The following PRKN variants were observed in gnomAD, a reference collection of about 807,000 sequenced individuals.
The protein encoded by PRKN is parkin RBR E3 ubiquitin protein ligase.
In PRKN, 56 loss-of-function variants were observed where a neutral mutation model predicts 59.5. The observed-to-expected ratio is 0.94, with a 90% CI of 0.76 to 1.18. The LOEUF (loss-of-function observed/expected upper bound fraction) is 1.18, where lower values mean the gene tolerates loss of function less well. Ranked by LOEUF, PRKN falls within the 50% of genes most tolerant of loss-of-function variation. PRKN has a pLI of 0.00. For synonymous variants in PRKN, 250 were observed against 222.1 expected (o/e 1.13, Z -1.12); for missense variants, 657 against 596.4 (o/e 1.10, Z -1.06).
At chr6:161,966,035 A>T (rs1298153328) in intron 6 of PRKN, among the ~76,000 whole-genome samples, 1 of 152,094 alleles carries the variant, frequency 6.6e-6, no homozygotes, top group Non-Finnish European at 1.5e-5. Context: ...AGCTATAAAC[A>T]GATGCAAATT....
At chr6:162,104,314 C>G (rs1780097475) in intron 4 of PRKN, among the ~76,000 whole-genome samples, 1 of 152,152 alleles carries the variant, frequency 6.6e-6, no homozygotes, top group African/African-American at 2.4e-5. Context: ...GTATTTCCAG[C>G]ACAAGATTCT....
intron 4 of PRKN, among the ~76,000 whole-genome samples, chr6:162,173,150 T>G (rs1009174477): frequency 1.3e-5 from 2 of 152,284 alleles, no homozygotes; most frequent in Non-Finnish European, 2.9e-5. Context: ...TTGGCCATCC[T>G]CCTGGGTTGT....
intron 6 of PRKN, among the ~76,000 whole-genome samples, chr6:161,869,142 G>A (rs938018723): frequency 6.6e-6 from 1 of 152,136 alleles, no homozygotes; most frequent in African/African-American, 2.4e-5. Flanking sequence ...ACTTTGGGAG[G>A]CCGAGGCGGG....
At chr6:162,394,813 T>C (rs1443665853) in intron 2 of PRKN, among the ~76,000 whole-genome samples, 1 of 152,234 alleles carries the variant, frequency 6.6e-6, no homozygotes, top group Non-Finnish European at 1.5e-5. Context: ...AAGTAGCCTA[T>C]AGATGTTACT....
chr6:162,441,043 G>A (rs1790024119), intron 2 of PRKN, among the ~76,000 whole-genome samples: 1 of 151,978 alleles, frequency 6.6e-6, no homozygotes, highest in Admixed American at 6.6e-5. Flanking sequence ...TCATTTAACT[G>A]TGATTTAATA....
At chr6:161,672,449 T>A (rs1385658792) in intron 7 of PRKN, among the ~76,000 whole-genome samples, 1 of 152,328 alleles carries the variant, frequency 6.6e-6, no homozygotes, top group South Asian at 2.1e-4. Context: ...CTAATATTAA[T>A]CTTAAAGATA....
chr6:161,968,248 T>C (rs1350569407), intron 6 of PRKN, among the ~76,000 whole-genome samples: 1 of 149,620 alleles, frequency 6.7e-6, no homozygotes, highest in Non-Finnish European at 1.5e-5. Context: ...ATGTTGGCCA[T>C]GGCTGCTCTC....
Position 161,457,841 on chromosome 6 carries a change from G to C in PRKN, c.1084-70964C>G, listed in dbSNP as rs1299837792. Among the ~76,000 whole-genome samples, 1 of 152,218 alleles carries C rather than the reference G, an allele frequency of 6.6e-6. No homozygotes were observed. Among genetic ancestry groups the C allele is most frequent in the East Asian group, 1.9e-4 (1 of 5,198 alleles). On this transcript the variant is annotated intron_variant, in intron 9 of 11. Coordinates refer to ENST00000366898, the MANE Select transcript of PRKN (RefSeq NM_004562.3). This position sits in a 1 kb window ranked among gnomAD's most constrained non-coding sequence, Gnocchi z 5.0. ...CAACATTTTGTAGATGACCGCACATGTAAGTTAAAGAAATAGTGGCCTTCT... is the reference window on the plus strand; with the variant it reads ...CAACATTTTGTAGATGACCGCACATCTAAGTTAAAGAAATAGTGGCCTTCT...
chr6:162,476,607 G>A (rs1792030072), intron 1 of PRKN, among the ~76,000 whole-genome samples: 1 of 152,176 alleles, frequency 6.6e-6, no homozygotes, highest in South Asian at 2.1e-4. Flanking sequence ...ACAGCATGAG[G>A]AAAGGACGAG....
chr6:162,427,364 G>A (rs1789287013), intron 2 of PRKN, among the ~76,000 whole-genome samples: 1 of 152,130 alleles, frequency 6.6e-6, no homozygotes, highest in African/African-American at 2.4e-5. Context: ...ACTTGTATAA[G>A]AATGTTCAGT....
chr6:161,586,793 C>T (rs1583263384), intron 7 of PRKN, among the ~76,000 whole-genome samples: 1 of 152,132 alleles, frequency 6.6e-6, no homozygotes, highest in Admixed American at 6.5e-5. Flanking sequence ...GTGCTTTATA[C>T]AAAAAGTTCC....
chr6:162,468,751 C>G (rs1174165750), intron 1 of PRKN, among the ~76,000 whole-genome samples: 1 of 152,172 alleles, frequency 6.6e-6, no homozygotes. Context: ...TAAGTGTGGT[C>G]TCTTACCTAG....
intron 1 of PRKN, among the ~76,000 whole-genome samples, chr6:162,449,580 T>C (rs1350728310): frequency 6.6e-6 from 1 of 151,962 alleles, no homozygotes; most frequent in Non-Finnish European, 1.5e-5. Flanking sequence ...TTATATTTTA[T>C]TATTTATTTT....
intron 1 of PRKN, among the ~76,000 whole-genome samples, chr6:162,514,272 C>CTTT (rs35258634): frequency 6.7e-6 from 1 of 148,534 alleles, no homozygotes; most frequent in Non-Finnish European, 1.5e-5. Flanking sequence ...TTGAAATTGA[C>CTTT]TTTTTTTTTT....
At chr6:162,043,958 C>A (rs1406141122) in intron 5 of PRKN, among the ~76,000 whole-genome samples, 1 of 152,102 alleles carries the variant, frequency 6.6e-6, no homozygotes, top group Non-Finnish European at 1.5e-5. Flanking sequence ...TCTTAATAAC[C>A]CAATAAATAC....
At chr6:161,827,475 G>A (rs1225572896) in intron 6 of PRKN, among the ~76,000 whole-genome samples, 2 of 151,682 alleles carry the variant, frequency 1.3e-5, no homozygotes, top group African/African-American at 2.4e-5. Flanking sequence ...CTAGAAATTA[G>A]GGCTCTACCT....
chr6:161,680,760 TATATA>T lies in PRKN; in HGVS notation c.871+105007_871+105011del, dbSNP rs1167024190. ...ATATATATATATATATATATATATA[TATATA>T]TATATATATATTTTTTTTTTTTTTT... is the stretch of plus-strand genomic sequence containing the variant. On this transcript the variant is annotated intron_variant, in intron 7 of 11. Transcript: ENST00000366898. Among the ~76,000 whole-genome samples the T allele has an allele frequency of 7.7e-3, 138 of 17,982 alleles. 6 individuals are homozygous for T. Among genetic ancestry groups the T allele is most frequent in the Admixed American group, 0.029 (37 of 1,282 alleles). 11.8% of individuals were successfully genotyped at this position (17,982 alleles called of 152,430 possible).
intron 1 of PRKN, among the ~76,000 whole-genome samples, chr6:162,626,431 G>C (rs1048277361): frequency 2.6e-5 from 4 of 152,124 alleles, no homozygotes; most frequent in African/African-American, 9.7e-5. Context: ...ATTAATCATA[G>C]AGGAAGAACT....
intron 3 of PRKN, among the ~76,000 whole-genome samples, chr6:162,242,711 T>C (rs546548708): frequency 4.6e-5 from 7 of 152,124 alleles, no homozygotes; most frequent in Admixed American, 1.3e-4. Flanking sequence ...CAAAAATGAC[T>C]CATGTCTACC....
Sources: gnomAD v4.1 joint callset for allele counts (sites outside exome capture counted in the v4.1 genomes callset) on GRCh38, gnomAD v4.1.1 for gene constraint, Gnocchi (gnomAD v3.1) non-coding constraint, MANE v1.5 for transcripts, NCBI Gene and HGNC (gene_info 2026-07-23, HGNC 2026-07-21) for gene names.